The following STON2 variants were observed in gnomAD, a reference collection of about 807,000 sequenced individuals.
STON2 encodes the protein stonin 2.
In STON2, 29 loss-of-function variants were observed where a neutral mutation model predicts 65.7. The ratio of observed to expected loss-of-function variants is 0.44; its 90% CI spans 0.33 to 0.60. The LOEUF is 0.60. Ranked by LOEUF, STON2 falls within the 20% of genes least tolerant of loss-of-function variation. The probability of loss-of-function intolerance (pLI) is 0.03; values close to 1 mark genes in which losing one functional copy is unlikely to be tolerated. For synonymous variants in STON2, 404 were observed against 414.2 expected (o/e 0.98, Z 0.30); for missense variants, 1,054 against 1,118.1 (o/e 0.94, Z 0.82).
At position 81,396,031 on chromosome 14, in the gene STON2, G is replaced by C. The variant is rs1361438984; in HGVS notation, c.236C>G (p.Ser79Cys). The change falls in exon 3 of 8, where the codon TCT (serine) becomes TGT (cysteine). Residue 79 changes from serine (S) to cysteine (C), a missense_variant. By Grantham distance (112) the Ser-to-Cys change is moderately radical. Coordinates refer to ENST00000614646, the MANE Select transcript of STON2 (RefSeq NM_001394390.1). ...GCTCCCAGGTGGGGAAGCTGCTTCA[G>C]AGATGAGGCCCATCTTTTCAGAGGA... The part of the protein sequence containing the change: ...DDSSEKMGLI[S>C]EAASPPGSPE... The C allele has an allele frequency of 6.2e-7, 1 of 1,614,204 alleles. No individual in the cohort carries two copies. Among genetic ancestry groups the C allele is most frequent in the South Asian group, 1.1e-5 (1 of 91,080 alleles).
intron 5 of STON2, among the ~76,000 whole-genome samples, chr14:81,284,182 A>T (rs1895243325): frequency 6.6e-6 from 1 of 152,180 alleles, no homozygotes; most frequent in Non-Finnish European, 1.5e-5. Context: ...GCCAATTAAG[A>T]ATCCCACTAT....
chr14:81,434,578 C>T (rs965029217), intron 1 of STON2, among the ~76,000 whole-genome samples: 1 of 152,130 alleles, frequency 6.6e-6, no homozygotes, highest in African/African-American at 2.4e-5. Context: ...TGTTTGCATC[C>T]TTTCCCCAGT....
At chr14:81,372,352 A>AAGACC (rs1899038112) in intron 3 of STON2, among the ~76,000 whole-genome samples, 1 of 152,018 alleles carries the variant, frequency 6.6e-6, no homozygotes, top group African/African-American at 2.4e-5. Flanking sequence ...TCAGGAGCTC[A>AAGACC]AGACCAGCCT....
chr14:81,322,480 T>G (rs1896855608), intron 5 of STON2, among the ~76,000 whole-genome samples: 1 of 152,174 alleles, frequency 6.6e-6, no homozygotes, highest in African/African-American at 2.4e-5. Flanking sequence ...GATTGTCTTC[T>G]AATGAGCTGG....
At chr14:81,317,945 T>C (rs1358711099) in intron 5 of STON2, among the ~76,000 whole-genome samples, 2 of 152,180 alleles carry the variant, frequency 1.3e-5, no homozygotes, top group African/African-American at 4.8e-5. Flanking sequence ...CTTTCTCTTT[T>C]GTTTTTTATT....
chr14:81,326,032 C>T (rs974390385), intron 4 of STON2, among the ~76,000 whole-genome samples: 8 of 152,222 alleles, frequency 5.3e-5, no homozygotes, highest in Admixed American at 3.3e-4. Flanking sequence ...TAAACAACCC[C>T]AGCAATCAGT....
upstream of STON2, among the ~76,000 whole-genome samples, chr14:81,402,602 T>A (rs1261716301): frequency 3.9e-5 from 6 of 152,106 alleles, no homozygotes; most frequent in African/African-American, 1.4e-4. Context: ...AGGAATGGTA[T>A]GTCTAGCCCA....
rs140167001 is a variant in STON2 at position 81,317,244 on chromosome 14, C to T, written c.742+6773G>A. ...TGAGTGAACAAATAGAGGGAGCACA[C>T]GCTCATTAACACAGAGAGGGCACCA... On this transcript the variant is annotated intron_variant, in intron 5 of 7. Coordinates refer to ENST00000614646, the MANE Select transcript of STON2 (RefSeq NM_001394390.1). Among the ~76,000 whole-genome samples, 343 of 152,204 alleles carry T rather than the reference C, an allele frequency of 2.3e-3. 1 individual carries two copies. Among genetic ancestry groups the T allele is most frequent in the Non-Finnish European group, 3.4e-3 (232 of 68,014 alleles).
intron 3 of STON2, among the ~76,000 whole-genome samples, chr14:81,386,785 T>G (rs1899828639): frequency 6.6e-6 from 1 of 152,186 alleles, no homozygotes; most frequent in African/African-American, 2.4e-5. Context: ...TGCCTTAATT[T>G]TTTTTTCTTT....
chr14:81,368,671 AC>A (rs1262224925), intron 4 of STON2, among the ~76,000 whole-genome samples: 1 of 152,104 alleles, frequency 6.6e-6, no homozygotes, highest in East Asian at 1.9e-4. Flanking sequence ...CCGAGATTGC[AC>A]CATCGCACTC....
At chr14:81,366,594 C>G (rs1187613247) in intron 4 of STON2, among the ~76,000 whole-genome samples, 3 of 152,010 alleles carry the variant, frequency 2.0e-5, no homozygotes, top group Admixed American at 6.5e-5. Context: ...CAATGACAAA[C>G]ATCTCCCCAA....
chr14:81,299,954 T>A (rs1038754662), intron 5 of STON2, among the ~76,000 whole-genome samples: 5 of 151,558 alleles, frequency 3.3e-5, no homozygotes, highest in East Asian at 1.9e-4. Context: ...CTTAAAAAAA[T>A]TTTTTTGATA....
At chr14:81,395,862 A>C (rs200137862) in intron 3 of STON2, 32 bp downstream of exon 3, 185 of 1,610,848 alleles carry the variant, frequency 1.1e-4, no homozygotes, top group Non-Finnish European at 1.9e-5. Context: ...TGCTGACCAC[A>C]AACCCAAGCC....
intron 4 of STON2, chr14:81,333,276 T>C (rs1897269704): frequency 1.4e-6 from 1 of 702,946 alleles, no homozygotes; most frequent in East Asian, 2.7e-5. Context: ...CTTCCCGGGG[T>C]GAAGGACGTC....
chr14:81,274,140 A>C (rs770757411), intron 6 of STON2, among the ~76,000 whole-genome samples: 5 of 152,158 alleles, frequency 3.3e-5, no homozygotes, highest in Non-Finnish European at 5.9e-5. Flanking sequence ...TCAAGTTTCC[A>C]AAAAAGGGTG....
upstream of STON2, among the ~76,000 whole-genome samples, chr14:81,402,204 C>T (rs1900642577): frequency 6.6e-6 from 1 of 152,100 alleles, no homozygotes; most frequent in Non-Finnish European, 1.5e-5. Context: ...ATAAGCCTTC[C>T]TCAGACAGTG....
chr14:81,430,674 A>C (rs1038680861), intron 1 of STON2, among the ~76,000 whole-genome samples: 4 of 152,216 alleles, frequency 2.6e-5, no homozygotes, highest in African/African-American at 9.6e-5. Flanking sequence ...TGCATTTCAG[A>C]AAGAGAGCAG....
intron 5 of STON2, among the ~76,000 whole-genome samples, chr14:81,315,016 C>A (rs1049506840): frequency 3.9e-5 from 6 of 152,084 alleles, no homozygotes; most frequent in African/African-American, 1.4e-4. Context: ...GGCCTAACAC[C>A]TCCATTTTGC....
chr14:81,407,720 CA>C (rs1328338019), intron 2 of STON2, among the ~76,000 whole-genome samples: 1 of 152,184 alleles, frequency 6.6e-6, no homozygotes, highest in African/African-American at 2.4e-5. Flanking sequence ...AAGGTCAAAT[CA>C]AAAGCTACAA....
Sources: allele counts gnomAD v4.1 joint callset (sites outside exome capture counted in the v4.1 genomes callset), GRCh38; gene constraint gnomAD v4.1.1; transcripts MANE v1.5; gene names NCBI Gene and HGNC (gene_info 2026-07-23, HGNC 2026-07-21).